Variants in IQCM observed in about 807,000 individuals in gnomAD.
IQCM encodes the protein IQ motif containing M, also known as IQ domain-containing protein M.
IQCM carries 45 observed loss-of-function variants against 57.6 expected under a neutral mutation model. The observed-to-expected ratio is 0.78, with a 90% CI of 0.62 to 1.00. The LOEUF (loss-of-function observed/expected upper bound fraction) is 1.00. Among genes scored for constraint, IQCM ranks in the 50% least tolerant of loss-of-function variants. The pLI is 0.00. For missense variants in IQCM, 468 were observed against 511.6 expected, an observed-to-expected ratio of 0.91 and a Z score of 0.82; for synonymous variants, 148 against 158.9, an observed-to-expected ratio of 0.93 and a Z score of 0.51.
chr4:149,508,593 T>C (rs953348496), intron 12 of IQCM, among the ~76,000 whole-genome samples: 2 of 152,228 alleles, frequency 1.3e-5, no homozygotes, highest in Admixed American at 6.5e-5. Context: ...ATTTACCCAA[T>C]GCCTGTACCC....
chr4:149,733,386 C>T lies in IQCM; in HGVS notation c.243G>A (p.Arg81=), dbSNP rs1766643689. ...GAAAGCAAATCCTTCTGAGTGCGGC[C>T]CGATGTTCTTGCACCACATCACGTG... ...KVTRDVVQEH[R]AALRRICFPK... is the part of the protein sequence containing the mutation. The change falls in exon 5 of 14, where the codon CGG becomes CGA. Residue 81 remains arginine, a synonymous_variant. Transcript: ENST00000636793. The T allele has an allele frequency of 1.6e-6, 2 of 1,231,758 alleles. No individual in the cohort carries two copies. The highest frequency in any genetic ancestry group is 1.0e-6 in the Non-Finnish European group (1 of 987,746). The allele number at this position is 1,231,758 out of a possible 1,614,324, so 76.3% of individuals were successfully genotyped here.
At chr4:149,637,582 T>G (rs1488540415) in intron 7 of IQCM, among the ~76,000 whole-genome samples, 1 of 152,084 alleles carries the variant, frequency 6.6e-6, no homozygotes, top group African/African-American at 2.4e-5. Flanking sequence ...AAAACAATCT[T>G]AAAAAGAAAC....
At chr4:149,614,816 G>A (rs1470235479) in intron 8 of IQCM, among the ~76,000 whole-genome samples, 4 of 152,190 alleles carry the variant, frequency 2.6e-5, no homozygotes, top group Admixed American at 2.6e-4. Context: ...TGGGCCACAT[G>A]TGGCCCACAG....
In IQCM at chr4:149,396,012, G is replaced by T. The variant is rs186039078; in HGVS notation, c.1390+37384C>A. On this transcript the variant is annotated intron_variant, in intron 13 of 13. Coordinates refer to ENST00000636793, the MANE Select transcript of IQCM (RefSeq NM_001363507.2). ...AACAAGTAGGCAATTAGCAAAAAAT[G>T]ACAAGATTTTTGTTAAATTTCTATA... is the stretch of plus-strand genomic sequence containing the variant. Among the ~76,000 whole-genome samples, 212 of 152,036 alleles carry T rather than the reference G, an allele frequency of 1.4e-3. 1 individual carries two copies. Among genetic ancestry groups the T allele is most frequent in the Non-Finnish European group, 1.2e-3 (80 of 67,900 alleles).
chr4:149,517,792 A>G (rs1745137524), intron 12 of IQCM, among the ~76,000 whole-genome samples: 1 of 152,136 alleles, frequency 6.6e-6, no homozygotes, highest in South Asian at 2.1e-4. Flanking sequence ...GCCTTCCAGG[A>G]TAGGTCTTTG....
intron 7 of IQCM, among the ~76,000 whole-genome samples, chr4:149,651,051 T>C (rs1042180545): frequency 3.3e-5 from 5 of 152,060 alleles, no homozygotes; most frequent in Admixed American, 2.0e-4. Flanking sequence ...TCAGAAGACA[T>C]CCATAACCCT....
chr4:149,516,178 C>A (rs2149818867), intron 12 of IQCM, among the ~76,000 whole-genome samples: 1 of 152,324 alleles, frequency 6.6e-6, no homozygotes, highest in East Asian at 1.9e-4. Context: ...CACCACTCCT[C>A]AGGGTGATCA....
chr4:149,722,982 A>G (rs1217137348), intron 5 of IQCM, among the ~76,000 whole-genome samples: 4 of 151,848 alleles, frequency 2.6e-5, no homozygotes, highest in Non-Finnish European at 5.9e-5. Flanking sequence ...TCAGTGTTTT[A>G]TAGTTCTTGT....
rs557951234 is a variant in IQCM at position 149,706,504 on chromosome 4, T to C, written c.386-20036A>G. Among the ~76,000 whole-genome samples the C allele has an allele frequency of 2.6e-5, 4 of 152,118 alleles. No homozygotes were observed. In the East Asian group the frequency reaches 7.7e-4, roughly 29 times the overall value. The stretch of plus-strand genomic sequence containing the variant: ...TCACATCAGCTATTTCACACATTGA[T>C]GTTACCTGCTGATCTTAGAAGAGCA... On this transcript the variant is annotated intron_variant, in intron 5 of 13. Coordinates refer to ENST00000636793, the MANE Select transcript of IQCM (RefSeq NM_001363507.2).
intron 12 of IQCM, among the ~76,000 whole-genome samples, chr4:149,460,796 A>T (rs1236321896): frequency 6.6e-6 from 1 of 152,204 alleles, no homozygotes; most frequent in East Asian, 1.9e-4. Flanking sequence ...AGGTACTGAC[A>T]ATAATTGGAA....
At chr4:149,721,087 A>G (rs1765406751) in intron 5 of IQCM, among the ~76,000 whole-genome samples, 2 of 152,152 alleles carry the variant, frequency 1.3e-5, no homozygotes, top group Non-Finnish European at 2.9e-5. Flanking sequence ...TTCAGCATCT[A>G]CTGATTCAAC....
intron 9 of IQCM, among the ~76,000 whole-genome samples, chr4:149,576,394 A>G (rs562086037): frequency 1.1e-4 from 16 of 151,748 alleles, no homozygotes; most frequent in African/African-American, 3.6e-4. Flanking sequence ...CTTTTTTGTT[A>G]TTATTTCAGT....
chr4:149,787,242 C>T (rs1772155482), intron 2 of IQCM, among the ~76,000 whole-genome samples: 1 of 150,914 alleles, frequency 6.6e-6, no homozygotes, highest in African/African-American at 2.4e-5. Flanking sequence ...ATATGTATAC[C>T]TATGTAACAA....
chr4:149,509,964 T>G (rs1744231849), intron 12 of IQCM, among the ~76,000 whole-genome samples: 2 of 152,136 alleles, frequency 1.3e-5, no homozygotes, highest in South Asian at 4.1e-4. Context: ...TCTACCCTTA[T>G]TTTATGCTAA....
intron 2 of IQCM, among the ~76,000 whole-genome samples, chr4:149,755,252 C>T (rs1768853134): frequency 6.6e-6 from 1 of 152,140 alleles, no homozygotes; most frequent in African/African-American, 2.4e-5. Context: ...TCAAATAAAA[C>T]ATAGGTCAGA....
chr4:149,376,855 T>G (rs1371287418), intron 13 of IQCM, among the ~76,000 whole-genome samples: 1 of 152,162 alleles, frequency 6.6e-6, no homozygotes, highest in African/African-American at 2.4e-5. Flanking sequence ...CTTTAAATCT[T>G]GTATGACTAT....
chr4:149,699,087 A>G (rs1302291566), intron 5 of IQCM, among the ~76,000 whole-genome samples: 1 of 152,126 alleles, frequency 6.6e-6, no homozygotes, highest in Non-Finnish European at 1.5e-5. Flanking sequence ...ATACAGTATA[A>G]GACTATGAGT....
intron 13 of IQCM, among the ~76,000 whole-genome samples, chr4:149,397,147 T>C (rs922400972): frequency 6.6e-5 from 10 of 151,964 alleles, no homozygotes; most frequent in Admixed American, 5.3e-4. Context: ...TCTATACCAA[T>C]TGGCATTTCC....
intron 8 of IQCM, among the ~76,000 whole-genome samples, chr4:149,619,263 T>C (rs1379118101): frequency 6.6e-6 from 1 of 151,932 alleles, no homozygotes; most frequent in Non-Finnish European, 1.5e-5. Context: ...CATGTTCTCA[T>C]TCGTAAGTGG....
Sources: allele counts gnomAD v4.1 joint callset (sites outside exome capture counted in the v4.1 genomes callset), GRCh38; gene constraint gnomAD v4.1.1; transcripts MANE v1.5; gene names NCBI Gene and HGNC (gene_info 2026-07-23, HGNC 2026-07-21).